Variants in EFR3B observed in about 807,000 individuals in gnomAD.
EFR3B encodes the protein protein EFR3 homolog B.
A neutral mutation model predicts 104.7 loss-of-function variants in EFR3B; 64 were observed. That is an observed-to-expected ratio of 0.61 (90% confidence interval 0.50 to 0.75). EFR3B has a LOEUF of 0.75. Ranked by LOEUF, EFR3B falls within the 30% of genes least tolerant of loss-of-function variation. The probability of loss-of-function intolerance (pLI) is 0.00; values close to 1 mark genes in which losing one functional copy is unlikely to be tolerated. For missense variants in EFR3B, 750 were observed against 1,078.5 expected, an observed-to-expected ratio of 0.70 and a Z score of 4.27; for synonymous variants, 385 against 417.9, an observed-to-expected ratio of 0.92 and a Z score of 0.96.
chr2:25,110,377 G>A (rs561005402), intron 4 of EFR3B, among the ~76,000 whole-genome samples: 3 of 152,176 alleles, frequency 2.0e-5, no homozygotes, highest in East Asian at 3.9e-4. Context: ...CTCCTCTCAC[G>A]TCCTCCAAGT....
At chr2:25,052,163 T>C (rs1667889386) in intron 1 of EFR3B, among the ~76,000 whole-genome samples, 1 of 151,346 alleles carries the variant, frequency 6.6e-6, no homozygotes, top group Non-Finnish European at 1.5e-5. Context: ...ACCATTGGGC[T>C]CCAGCCTGGG....
intron 1 of EFR3B, among the ~76,000 whole-genome samples, chr2:25,058,767 C>T (rs554508638): frequency 2.2e-5 from 3 of 135,500 alleles, no homozygotes; most frequent in Non-Finnish European, 4.8e-5. Flanking sequence ...TCCCCGCGCC[C>T]CCCCCCCCAA....
chr2:25,123,902 A>T (rs990934437), intron 5 of EFR3B, among the ~76,000 whole-genome samples: 2 of 152,232 alleles, frequency 1.3e-5, no homozygotes, highest in South Asian at 2.1e-4. Flanking sequence ...TTTCCTGAAC[A>T]TCAGGAGGAA....
chr2:25,049,824 A>G (rs1667816306), intron 1 of EFR3B, among the ~76,000 whole-genome samples: 1 of 151,832 alleles, frequency 6.6e-6, no homozygotes. Flanking sequence ...TGTGATAGAT[A>G]AGGAGATAGG....
At chr2:25,055,193 T>G (rs1667985281) in intron 1 of EFR3B, among the ~76,000 whole-genome samples, 1 of 152,240 alleles carries the variant, frequency 6.6e-6, no homozygotes, top group Non-Finnish European at 1.5e-5. Flanking sequence ...AAGCAAGCAT[T>G]CACAGAGCTT....
chr2:25,058,749 A>G (rs1052880637), intron 1 of EFR3B, among the ~76,000 whole-genome samples: 2 of 143,202 alleles, frequency 1.4e-5, no homozygotes, highest in African/African-American at 5.5e-5. Context: ...ACAGAGTGAG[A>G]CTCTGTCTCC....
intron 21 of EFR3B, among the ~76,000 whole-genome samples, chr2:25,153,422 A>C (rs775692214): frequency 1.3e-5 from 2 of 152,038 alleles, no homozygotes; most frequent in Non-Finnish European, 2.9e-5. Context: ...AGCAGCCCCT[A>C]CTGCCCCATC....
At chr2:25,132,142 T>C (rs761072326) in intron 10 of EFR3B, among the ~76,000 whole-genome samples, 1 of 152,164 alleles carries the variant, frequency 6.6e-6, no homozygotes, top group African/African-American at 2.4e-5. Flanking sequence ...CGGGCCCCTG[T>C]AGGATTGTCC....
At chr2:25,142,637 T>C (rs886534816) in intron 17 of EFR3B, among the ~76,000 whole-genome samples, 1 of 148,262 alleles carries the variant, frequency 6.7e-6, no homozygotes, top group African/African-American at 2.5e-5. Flanking sequence ...CGTGCGCCTG[T>C]AATCCCAGCT....
intron 1 of EFR3B, among the ~76,000 whole-genome samples, chr2:25,043,384 A>G (rs1466701067): frequency 6.6e-6 from 1 of 152,200 alleles, no homozygotes; most frequent in East Asian, 1.9e-4. Flanking sequence ...TCGGCTGCTC[A>G]GCTGCCTCGC....
chr2:25,065,158 T>C (rs543301543), intron 1 of EFR3B, among the ~76,000 whole-genome samples: 45 of 152,116 alleles, frequency 3.0e-4, no homozygotes, highest in African/African-American at 1.0e-3. Flanking sequence ...TCTGTTGTTA[T>C]TGTTGTTAAA....
chr2:25,056,567 A>G (rs1444637998), intron 1 of EFR3B, among the ~76,000 whole-genome samples: 4 of 151,468 alleles, frequency 2.6e-5, no homozygotes, highest in African/African-American at 9.7e-5. Context: ...AGCCTTGTGC[A>G]CCTTCAGCTT....
chr2:25,098,109 A>G (rs1288385291), intron 3 of EFR3B, among the ~76,000 whole-genome samples: 1 of 152,098 alleles, frequency 6.6e-6, no homozygotes, highest in African/African-American at 2.4e-5. Context: ...GACCCCTACT[A>G]GATGAGGAGG....
chr2:25,154,048 G>A lies in EFR3B; in HGVS notation c.2349-187G>A, dbSNP rs1177800874. On this transcript the variant is annotated intron_variant, in intron 22 of 22. Coordinates refer to ENST00000403714, the MANE Select transcript of EFR3B (RefSeq NM_014971.2). The surrounding 1 kb of genome is among the most constrained non-coding windows in gnomAD (Gnocchi z 4.1). Reference sequence around the variant, plus strand: ...AAGCAGCAGTGTCACTGCGGAGCCTGCAGGGAAGCTTGACTCCAAGCTGTA... The same window carrying A: ...AAGCAGCAGTGTCACTGCGGAGCCTACAGGGAAGCTTGACTCCAAGCTGTA... Among the ~76,000 whole-genome samples the A allele has an allele frequency of 6.6e-6, 1 of 152,200 alleles. No homozygotes were observed. The highest frequency in any genetic ancestry group is 1.5e-5 in the Non-Finnish European group (1 of 68,040).
Position 25,155,137 on chromosome 2 carries a change from G to C in EFR3B, c.*797G>C, listed in dbSNP as rs934061105. ...TCTCTCTCTTTGATGTCTTTCTTCT[G>C]AGGGTCCCAAGGTGTTCCTGGAGCT... On this transcript the variant is annotated 3_prime_UTR_variant, in exon 23 of 23. Transcript: ENST00000403714. The C allele has an allele frequency of 6.6e-6, 1 of 152,322 alleles. No homozygotes were observed. Among genetic ancestry groups the C allele is most frequent in the African/African-American group, 2.4e-5 (1 of 41,456 alleles). 9.4% of individuals were successfully genotyped at this position (152,322 alleles called of 1,614,324 possible). A position where few individuals can be genotyped will look rare whatever the true frequency, so the allele number is the denominator to read the frequency against.
chr2:25,042,108 G>A lies in EFR3B; in HGVS notation c.-205G>A. ...CCCAGCAACCCGAGCGGAGGCGGCC[G>A]CTGCAGCCCGGCGCTGAATGGGCTG... On this transcript the variant is annotated 5_prime_UTR_variant, in exon 1 of 23. Transcript: ENST00000403714. This position sits in a 1 kb window ranked among gnomAD's most constrained non-coding sequence, Gnocchi z 5.4. The A allele has an allele frequency of 2.9e-6, 1 of 347,322 alleles. No individual in the cohort carries two copies. The highest frequency in any genetic ancestry group is 4.9e-6 in the Non-Finnish European group (1 of 202,888). The allele number at this position is 347,322 out of a possible 1,614,324, so 21.5% of individuals were successfully genotyped here.
At chr2:25,153,404 C>G (rs1671067805) in intron 21 of EFR3B, among the ~76,000 whole-genome samples, 1 of 152,042 alleles carries the variant, frequency 6.6e-6, no homozygotes, top group South Asian at 2.1e-4. Flanking sequence ...TCTCCCGACT[C>G]CATGCCCAGC....
At chr2:25,067,948 G>A (rs1410465525) in intron 1 of EFR3B, among the ~76,000 whole-genome samples, 1 of 152,050 alleles carries the variant, frequency 6.6e-6, no homozygotes, top group African/African-American at 2.4e-5. Flanking sequence ...CCAAAGTGCT[G>A]GGATTACAGG....
At chr2:25,095,568 C>T (rs1669252627) in intron 3 of EFR3B, among the ~76,000 whole-genome samples, 2 of 151,986 alleles carry the variant, frequency 1.3e-5, no homozygotes, top group African/African-American at 4.8e-5. Context: ...TGGGGGCATG[C>T]ACCTATAGTC....
Sources: gnomAD v4.1 joint callset for allele counts (sites outside exome capture counted in the v4.1 genomes callset) on GRCh38, gnomAD v4.1.1 for gene constraint, Gnocchi (gnomAD v3.1) non-coding constraint, MANE v1.5 for transcripts, NCBI Gene and HGNC (gene_info 2026-07-23, HGNC 2026-07-21) for gene names.